The following IL3RA variants were observed in gnomAD, a reference collection of about 807,000 sequenced individuals.
The protein encoded by IL3RA is interleukin-3 receptor subunit alpha.
Under a neutral mutation model 52.3 loss-of-function variants are expected in IL3RA, and 73 were observed. The ratio of observed to expected loss-of-function variants is 1.40; its 90% CI spans 1.16 to 1.70. IL3RA has a LOEUF of 1.70. Ranked by LOEUF, IL3RA falls within the 40% of genes most tolerant of loss-of-function variation. The pLI, the probability that IL3RA is intolerant of heterozygous loss-of-function variation, is 0.00. For missense variants in IL3RA, 664 were observed against 504.4 expected (o/e 1.32, Z -3.03); for synonymous variants, 260 against 194.0 (o/e 1.34, Z -2.83).
At chrX:1,377,507 C>T (rs1383410613) in intron 9 of IL3RA, among the ~76,000 whole-genome samples, 1 of 151,938 alleles carries the variant, frequency 6.6e-6, no homozygotes, top group Non-Finnish European at 1.5e-5. Context: ...CCTCCCAAAG[C>T]GCTGGGATTA....
intron 4 of IL3RA, among the ~76,000 whole-genome samples, chrX:1,349,202 G>C (rs1384302903): frequency 3.3e-5 from 4 of 119,900 alleles, no homozygotes; most frequent in Non-Finnish European, 5.2e-5. Flanking sequence ...TTTTTTTTTA[G>C]ACAGAGTCTC....
At chrX:1,378,788 A>G in intron 10 of IL3RA, 24 bp downstream of exon 10, 1 of 1,596,130 alleles carries the variant, frequency 6.3e-7, no homozygotes, top group South Asian at 1.1e-5. Context: ...GGCGTCCGCG[A>G]GCGTCGCTTG....
intron 4 of IL3RA, among the ~76,000 whole-genome samples, 200 bp downstream of exon 4, chrX:1,348,745 T>C (rs2085934528): frequency 6.8e-6 from 1 of 146,946 alleles, no homozygotes; most frequent in Non-Finnish European, 1.5e-5. Context: ...TTTCTTTCTT[T>C]CCTTCTTTCC....
At chrX:1,342,802 G>A (rs539639176) in intron 2 of IL3RA, among the ~76,000 whole-genome samples, 17 of 149,898 alleles carry the variant, frequency 1.1e-4, no homozygotes, top group Admixed American at 4.0e-4. Flanking sequence ...CTCATGATCC[G>A]CCTGCCTCGG....
chrX:1,348,159 C>T (rs1241925201), intron 3 of IL3RA, among the ~76,000 whole-genome samples: 10 of 150,606 alleles, frequency 6.6e-5, no homozygotes, highest in African/African-American at 2.2e-4. Flanking sequence ...CCAGCCTGAC[C>T]AACATGGTGA....
rs775872057 is a variant in IL3RA at position 1,352,086 on chromosome X, G to A, written c.299-14G>A. On this transcript the variant is annotated splice_polypyrimidine_tract_variant and intron_variant, in intron 4 of 11. Transcript: ENST00000331035. Reference sequence around the variant, plus strand: ...GGTCCCGATTCGAGTTCTCTTTCATGTTTGTGAACCCAGGTGGGAAGCCTT... The same window carrying A: ...GGTCCCGATTCGAGTTCTCTTTCATATTTGTGAACCCAGGTGGGAAGCCTT... The A allele has an allele frequency of 1.1e-5, 18 of 1,613,174 alleles. No individual in the cohort carries two copies. In the African/African-American group the frequency reaches 1.3e-4, roughly 12 times the overall value.
In IL3RA at chrX:1,355,436, GA is replaced by G. The variant is rs2086627765; in HGVS notation, c.617-784del. 7.1e-5 allele frequency among the ~76,000 whole-genome samples: 8 copies of G among 113,416 alleles called. No individual in the cohort carries two copies. The South Asian group carries it at 2.8e-3, about 39-fold the overall frequency. The allele number at this position is 113,416 out of a possible 152,430, so 74.4% of individuals were successfully genotyped here. A position where few individuals can be genotyped will look rare whatever the true frequency, so the allele number is the denominator to read the frequency against. Reference sequence around the variant, plus strand: ...GGAGGGGGAGGAGGGGAGGGGAGGGGAGGGGAGAAAGACCAGGAGGGTAGGA... The same window carrying G: ...GGAGGGGGAGGAGGGGAGGGGAGGGGGGGGAGAAAGACCAGGAGGGTAGGA... On this transcript the variant is annotated intron_variant, in intron 6 of 11. Transcript: ENST00000331035.
In IL3RA at chrX:1,356,331, C is replaced by A. The variant is rs552179087; in HGVS notation, c.727C>A (p.Gln243Lys). 6.2e-5 allele frequency: 100 copies of A among 1,606,896 alleles called. No individual in the cohort carries two copies. Among genetic ancestry groups the A allele is most frequent in the Non-Finnish European group, 8.4e-5 (99 of 1,173,894 alleles). Residue 243 changes from glutamine (Q) to lysine (K), a missense_variant, in exon 7 of 12, where the codon CAA becomes AAA. Coordinates refer to ENST00000331035, the MANE Select transcript of IL3RA (RefSeq NM_002183.4). ...NRKFRYELQI[Q>K]KRMQPVITEQ... is the part of the protein sequence containing the mutation. ...CAAATTTCGCTATGAGCTTCAGATACAAAAGGTAAACTTTCACCCCGCCCC... is the reference window on the plus strand; with the variant it reads ...CAAATTTCGCTATGAGCTTCAGATAAAAAAGGTAAACTTTCACCCCGCCCC...
chrX:1,373,403 G>A (rs1476567187), intron 9 of IL3RA, among the ~76,000 whole-genome samples: 2 of 17,712 alleles, frequency 1.1e-4, no homozygotes, highest in African/African-American at 1.2e-3. Flanking sequence ...AAGCCCAGGA[G>A]AGGGGCCTCA....
intron 9 of IL3RA, among the ~76,000 whole-genome samples, chrX:1,376,913 G>A (rs1336349815): frequency 7.2e-6 from 1 of 138,820 alleles, no homozygotes; most frequent in African/African-American, 3.0e-5. Context: ...AGGGGCCTCA[G>A]GAGGAACCAG....
At position 1,341,755 on chromosome X, in the gene IL3RA, C is replaced by A; in HGVS notation, c.-11C>A. On this transcript the variant is annotated 5_prime_UTR_variant, in exon 2 of 12. In the 5' UTR this introduces an upstream ATG that the reference lacks. Coordinates refer to ENST00000331035, the MANE Select transcript of IL3RA (RefSeq NM_002183.4). ...GGCACCTCTGTCCTGCGTTCCGGAG[C>A]TGCGTTCCCGATGGTCCTCCTTTGG... 6.2e-7 allele frequency: 1 copy of A among 1,613,870 alleles called. No homozygotes were observed. Among genetic ancestry groups the A allele is most frequent in the Non-Finnish European group, 8.5e-7 (1 of 1,179,846 alleles).
chrX:1,359,644 C>T (rs1569524321), intron 8 of IL3RA, among the ~76,000 whole-genome samples: 1 of 150,496 alleles, frequency 6.6e-6, no homozygotes, highest in African/African-American at 2.5e-5. Flanking sequence ...CTCTATCTTT[C>T]TCTCCCTGTC....
At position 1,382,584 on chromosome X, in the gene IL3RA, G is replaced by T. The variant is rs1289175440; in HGVS notation, c.*119G>T. ...CAGGAATGGACATTCCTAACGGGTGGTGGGCATGGGAGATGCCTGTGTAAT... is the reference window on the plus strand; with the variant it reads ...CAGGAATGGACATTCCTAACGGGTGTTGGGCATGGGAGATGCCTGTGTAAT... On this transcript the variant is annotated 3_prime_UTR_variant, in exon 12 of 12. Transcript: ENST00000331035. The T allele has an allele frequency of 9.1e-6, 8 of 878,670 alleles. No individual in the cohort carries two copies. In the Admixed American group the frequency reaches 9.2e-5, roughly 10 times the overall value. The allele number at this position is 878,670 out of a possible 1,614,324, so 54.4% of individuals were successfully genotyped here.
At chrX:1,364,200 A>AT (rs757914100) in intron 8 of IL3RA, among the ~76,000 whole-genome samples, 187 of 147,816 alleles carry the variant, frequency 1.3e-3, no homozygotes, top group Admixed American at 8.7e-3. Flanking sequence ...AAAAAAAAAA[A>AT]TTTTTTTTTG....
intron 8 of IL3RA, among the ~76,000 whole-genome samples, chrX:1,361,803 T>C (rs1176200219): frequency 6.6e-6 from 1 of 150,860 alleles, no homozygotes; most frequent in African/African-American, 2.4e-5. Flanking sequence ...AGGTTTCCCT[T>C]ATTAAACCAT....
At chrX:1,378,900 T>G (rs1367498821) in intron 10 of IL3RA, 136 bp downstream of exon 10, 1 of 822,492 alleles carries the variant, frequency 1.2e-6, no homozygotes, top group African/African-American at 1.7e-5. Flanking sequence ...TGGAGTGCAG[T>G]GGCACGATCT....
chrX:1,352,563 C>A, intron 6 of IL3RA, 57 bp downstream of exon 6: 1 of 1,556,492 alleles, frequency 6.4e-7, no homozygotes, highest in East Asian at 2.3e-5. Context: ...ACGGCTTTAG[C>A]GCCAGGCCAG....
At chrX:1,347,275 C>G (rs1487340009) in intron 3 of IL3RA, among the ~76,000 whole-genome samples, 5 of 134,474 alleles carry the variant, frequency 3.7e-5, no homozygotes, top group Non-Finnish European at 6.5e-5. Context: ...GAAACCCCGT[C>G]TCTACTAAAA....
chrX:1,367,951 C>T (rs1191629988), intron 9 of IL3RA, among the ~76,000 whole-genome samples: 8 of 152,016 alleles, frequency 5.3e-5, no homozygotes, highest in Admixed American at 5.2e-4. Flanking sequence ...CTTGCTCTTA[C>T]TCACGAGAGG....
Sources: allele counts gnomAD v4.1 joint callset (sites outside exome capture counted in the v4.1 genomes callset), GRCh38; gene constraint gnomAD v4.1.1; transcripts MANE v1.5; gene names NCBI Gene and HGNC (gene_info 2026-07-23, HGNC 2026-07-21).